The following PTPRG variants were observed in gnomAD, a reference collection of about 807,000 sequenced individuals.
PTPRG encodes protein tyrosine phosphatase receptor type G.
Under a neutral mutation model 165.3 loss-of-function variants are expected in PTPRG, and 102 were observed. That is an observed-to-expected ratio of 0.62 (90% CI 0.53 to 0.73). PTPRG has a LOEUF of 0.73. PTPRG is among the 30% of genes least tolerant of loss of function. PTPRG has a pLI of 0.00. For missense variants in PTPRG, 1,866 were observed against 1,861.4 expected (o/e 1.00, Z -0.05); for synonymous variants, 675 against 669.5 (o/e 1.01, Z -0.13).
chr3:61,678,529 G>T (rs1703316184), intron 1 of PTPRG, among the ~76,000 whole-genome samples: 1 of 152,096 alleles, frequency 6.6e-6, no homozygotes, highest in African/African-American at 2.4e-5. Flanking sequence ...GTCCATTGTA[G>T]CTGTACCCTC....
intron 2 of PTPRG, among the ~76,000 whole-genome samples, chr3:61,807,454 T>A (rs1439296703): frequency 2.0e-5 from 3 of 152,256 alleles, no homozygotes; most frequent in African/African-American, 7.2e-5. Flanking sequence ...GTTGTTCTTT[T>A]ACTCCCTCTT....
At chr3:62,034,164 A>G (rs1699866374) in intron 4 of PTPRG, among the ~76,000 whole-genome samples, 1 of 152,210 alleles carries the variant, frequency 6.6e-6, no homozygotes, top group African/African-American at 2.4e-5. Flanking sequence ...ACTCAAGTTC[A>G]AAGTCAGCCC....
intron 1 of PTPRG, among the ~76,000 whole-genome samples, chr3:61,623,973 A>G (rs1390561884): frequency 1.3e-5 from 2 of 152,206 alleles, no homozygotes; most frequent in East Asian, 3.8e-4. Context: ...AAGTTCTGTT[A>G]GCCTCACTGC....
At chr3:61,878,346 T>A (rs1455079533) in intron 2 of PTPRG, among the ~76,000 whole-genome samples, 6 of 152,206 alleles carry the variant, frequency 3.9e-5, no homozygotes, top group African/African-American at 1.2e-4. Flanking sequence ...TTCTATCTCT[T>A]CTTTTGGGTT....
intron 1 of PTPRG, among the ~76,000 whole-genome samples, chr3:61,590,179 CT>C (rs1700531867): frequency 6.6e-6 from 1 of 150,778 alleles, no homozygotes; most frequent in East Asian, 2.0e-4. Flanking sequence ...GCAGCATCTA[CT>C]CCTGGAGTAG....
intron 4 of PTPRG, among the ~76,000 whole-genome samples, chr3:62,044,678 A>C (rs1700232765): frequency 6.6e-6 from 1 of 152,224 alleles, no homozygotes; most frequent in African/African-American, 2.4e-5. Flanking sequence ...TAATAAAAAT[A>C]AAAATAATCA....
At chr3:62,276,083 G>C (rs1214952295) in intron 24 of PTPRG, 117 bp downstream of exon 24, 1 of 638,346 alleles carries the variant, frequency 1.6e-6, no homozygotes, top group Non-Finnish European at 2.5e-6. Context: ...GTACGTGGCC[G>C]TATGGTAGAA....
intron 2 of PTPRG, among the ~76,000 whole-genome samples, chr3:61,917,866 A>C (rs531809341): frequency 1.4e-4 from 22 of 152,300 alleles, no homozygotes; most frequent in Non-Finnish European, 2.1e-4. Flanking sequence ...CAAGAGGTGG[A>C]GGTTGCAGTG....
intron 15 of PTPRG, among the ~76,000 whole-genome samples, chr3:62,246,332 C>A (rs951276845): frequency 1.3e-5 from 2 of 152,170 alleles, no homozygotes; most frequent in African/African-American, 4.8e-5. Context: ...GCTAACATAG[C>A]CTTATTAGGA....
intron 2 of PTPRG, among the ~76,000 whole-genome samples, chr3:61,872,377 G>C (rs1434980900): frequency 6.6e-6 from 1 of 152,152 alleles, no homozygotes; most frequent in African/African-American, 2.4e-5. Context: ...AAATGAAAAG[G>C]AGAAAGAACG....
intron 1 of PTPRG, 87 bp downstream of exon 1, chr3:61,562,459 CCG>C: frequency 7.6e-7 from 1 of 1,323,556 alleles, no homozygotes; most frequent in Admixed American, 1.7e-5. Flanking sequence ...GCTCCGGCGC[CCG>C]TCCGGGAGAC....
intron 8 of PTPRG, among the ~76,000 whole-genome samples, chr3:62,188,645 CA>C (rs887358717): frequency 2.0e-5 from 3 of 151,962 alleles, no homozygotes; most frequent in Non-Finnish European, 4.4e-5. Context: ...ATTTTAATTT[CA>C]AAAAATAAGA....
chr3:61,566,948 G>A lies in PTPRG; in HGVS notation c.85+4576G>A, dbSNP rs148781036. The stretch of plus-strand genomic sequence containing the variant: ...TCTGAATTAAGAGATTTAAACAATT[G>A]TAGTTAATACTGTCATCCTGGGTTA... On this transcript the variant is annotated intron_variant, in intron 1 of 29. Transcript: ENST00000474889. Among the ~76,000 whole-genome samples the A allele has an allele frequency of 1.2e-3, 176 of 152,334 alleles. 1 individual carries two copies. Among genetic ancestry groups the A allele is most frequent in the African/African-American group, 4.0e-3 (168 of 41,576 alleles).
intron 4 of PTPRG, among the ~76,000 whole-genome samples, chr3:62,039,808 G>A (rs1226122424): frequency 6.8e-6 from 1 of 147,344 alleles, no homozygotes; most frequent in Non-Finnish European, 1.5e-5. Context: ...TGGCGCCTTT[G>A]CTTTGTAACA....
At chr3:61,640,091 G>T (rs1702021137) in intron 1 of PTPRG, among the ~76,000 whole-genome samples, 1 of 152,172 alleles carries the variant, frequency 6.6e-6, no homozygotes, top group Non-Finnish European at 1.5e-5. Flanking sequence ...TTCCACTGGA[G>T]ACTTTCACTG....
intron 4 of PTPRG, among the ~76,000 whole-genome samples, chr3:62,075,209 T>C (rs1305478870): frequency 6.6e-6 from 1 of 152,230 alleles, no homozygotes; most frequent in East Asian, 1.9e-4. Context: ...TATCACACGC[T>C]ATTCGGGTGA....
chr3:62,275,605 A>G (rs375800976), intron 23 of PTPRG, among the ~76,000 whole-genome samples: 9 of 152,242 alleles, frequency 5.9e-5, no homozygotes, highest in Non-Finnish European at 1.0e-4. Context: ...TCTATAAACA[A>G]TTTTAAAAAT....
rs746516031 is a variant in PTPRG at position 62,292,557 on chromosome 3, G to T, written c.4191+1G>T. 5 of 1,612,714 alleles carry T rather than the reference G, an allele frequency of 3.1e-6. No individual in the cohort carries two copies. Among genetic ancestry groups the T allele is most frequent in the South Asian group, 1.1e-5 (1 of 90,844 alleles). ...GAGGCCTGGAGTATTCACAGACATT[G>T]TAAGTAGTTTGCTTATGTGTAAAAC... On this transcript the variant is annotated splice_donor_variant, in intron 29 of 29. Coordinates refer to ENST00000474889, the MANE Select transcript of PTPRG (RefSeq NM_002841.4). LOFTEE classifies it high-confidence loss of function.
At chr3:62,198,090 A>G (rs564767431) in intron 10 of PTPRG, among the ~76,000 whole-genome samples, 1 of 152,342 alleles carries the variant, frequency 6.6e-6, no homozygotes, top group East Asian at 1.9e-4. Flanking sequence ...TATTATAGTA[A>G]ATATAACACT....
Sources: allele counts gnomAD v4.1 joint callset (sites outside exome capture counted in the v4.1 genomes callset), GRCh38; gene constraint gnomAD v4.1.1; transcripts MANE v1.5; gene names NCBI Gene and HGNC (gene_info 2026-07-23, HGNC 2026-07-21).